Variants in SEMA4B observed in about 807,000 individuals in gnomAD.
SEMA4B encodes semaphorin-4B.
A neutral mutation model predicts 88.1 loss-of-function variants in SEMA4B; 55 were observed. The observed-to-expected ratio is 0.62, with a 90% CI of 0.50 to 0.78. SEMA4B has a LOEUF of 0.78. Among genes scored for constraint, SEMA4B ranks in the 30% least tolerant of loss-of-function variants. The pLI, the probability that SEMA4B is intolerant of heterozygous loss-of-function variation, is 0.00. For synonymous variants in SEMA4B, 525 were observed against 473.6 expected, an observed-to-expected ratio of 1.11 and a Z score of -1.41; for missense variants, 1,062 against 1,111.9, an observed-to-expected ratio of 0.96 and a Z score of 0.64.
At position 90,219,842 on chromosome 15, in the gene SEMA4B, A is replaced by T; in HGVS notation, c.434A>T (p.His145Leu). Residue 145 changes from histidine to leucine, a missense_variant, in exon 4 of 14, where the codon CAC becomes CTC. By Grantham distance (99) the His-to-Leu change is moderately conservative. Coordinates refer to ENST00000411539, the MANE Select transcript of SEMA4B (RefSeq NM_198925.4). The stretch of plus-strand genomic sequence containing the variant: ...ATCCTCCTGCCGCTCAGCGGCAGTC[A>T]CCTGTTCACCTGTGGCACAGCAGCC... ...IKILLPLSGS[H>L]LFTCGTAAFS... 6.2e-7 allele frequency: 1 copy of T among 1,613,600 alleles called. No individual in the cohort carries two copies. The highest frequency in any genetic ancestry group is 8.5e-7 in the Non-Finnish European group (1 of 1,179,820).
At chr15:90,192,915 C>T (rs1567042118) in intron 1 of SEMA4B, among the ~76,000 whole-genome samples, 2 of 152,120 alleles carry the variant, frequency 1.3e-5, no homozygotes, top group East Asian at 3.9e-4. Flanking sequence ...ATAATGGATT[C>T]CTATACACAT....
rs997159019 is a variant in SEMA4B, at chr15:90,228,834, C to T, written c.*191C>T. Reference sequence around the variant, plus strand: ...AGCTCCTACCACCCAGACACCCAAACAGCCGTGGCCCCAGAGGTCCTGGCC... The same window carrying T: ...AGCTCCTACCACCCAGACACCCAAATAGCCGTGGCCCCAGAGGTCCTGGCC... On this transcript the variant is annotated 3_prime_UTR_variant, in exon 14 of 14. Transcript: ENST00000411539. 1.4e-6 allele frequency: 1 copy of T among 737,176 alleles called. No homozygotes were observed. Among genetic ancestry groups the T allele is most frequent in the African/African-American group, 1.8e-5 (1 of 56,418 alleles). The allele number at this position is 737,176 out of a possible 1,614,324, so 45.7% of individuals were successfully genotyped here.
chr15:90,194,454 C>G (rs553905966), intron 1 of SEMA4B, among the ~76,000 whole-genome samples: 20 of 152,214 alleles, frequency 1.3e-4, no homozygotes, highest in Admixed American at 1.2e-3. Context: ...ATCGCTTGAA[C>G]CCACGAGGCA....
In SEMA4B at chr15:90,227,640, C is replaced by T; in HGVS notation, c.1772C>T (p.Thr591Ile). 1.2e-6 allele frequency: 2 copies of T among 1,613,924 alleles called. No homozygotes were observed. Among genetic ancestry groups the T allele is most frequent in the Non-Finnish European group, 1.7e-6 (2 of 1,179,806 alleles). Residue 591 changes from threonine (T) to isoleucine (I), a missense_variant and splice_region_variant, in exon 13 of 14, where the codon ACA becomes ATA. Coordinates refer to ENST00000411539, the MANE Select transcript of SEMA4B (RefSeq NM_198925.4). ...GTTGTGTCCCCGTCTTTTGTACCAA[C>T]AGGTGAGGTGCCCCCTCAAAAGGTG... ...SSVVSPSFVP[T>I]GEKPCEQVQF... is the part of the protein sequence containing the mutation.
intron 1 of SEMA4B, among the ~76,000 whole-genome samples, chr15:90,202,034 C>T (rs926855634): frequency 6.6e-6 from 1 of 152,262 alleles, no homozygotes; most frequent in Non-Finnish European, 1.5e-5. Flanking sequence ...GCCTGCCCAT[C>T]TACTTGTCTT....
intron 1 of SEMA4B, among the ~76,000 whole-genome samples, chr15:90,213,914 C>T (rs114428826): frequency 1.3e-3 from 193 of 152,340 alleles, no homozygotes; most frequent in African/African-American, 4.5e-3. Context: ...CTCATTGAGA[C>T]GATGTCTCTG....
intron 1 of SEMA4B, 25 bp downstream of exon 1, chr15:90,201,760 C>T: frequency 7.2e-7 from 1 of 1,381,048 alleles, no homozygotes; most frequent in Non-Finnish European, 9.3e-7. Context: ...CCCGGGGACG[C>T]GGGCCGGGGG....
chr15:90,187,131 G>A (rs6496641), intron 1 of SEMA4B, among the ~76,000 whole-genome samples: 53,272 of 151,810 alleles, frequency 0.35, 10,011 homozygotes, highest in East Asian at 0.7. Context: ...ATGGTCCAAA[G>A]TAAGTCCCTG....
In SEMA4B at chr15:90,215,071, C is replaced by G. The variant is rs186673349; in HGVS notation, c.158-2368C>G. The G allele has an allele frequency of 9.9e-4, 1,047 of 1,052,792 alleles. 5 individuals are homozygous for G. Among genetic ancestry groups the G allele is most frequent in the Non-Finnish European group, 1.2e-3 (1,020 of 819,162 alleles). The allele number at this position is 1,052,792 out of a possible 1,614,324, so 65.2% of individuals were successfully genotyped here. ...TGTGTGGTCATAACCCACTGGTCCG[C>G]TACAACGTGCCTGAGGGTGGTCAGG... On this transcript the variant is annotated intron_variant, in intron 1 of 13. Coordinates refer to ENST00000411539, the MANE Select transcript of SEMA4B (RefSeq NM_198925.4).
upstream of SEMA4B, among the ~76,000 whole-genome samples, chr15:90,196,689 A>G (rs572703336): frequency 4.3e-4 from 65 of 149,600 alleles, no homozygotes; most frequent in East Asian, 2.0e-3. Flanking sequence ...GGGTTTCACC[A>G]TGTTAGCCAG....
chr15:90,214,662 C>A, intron 1 of SEMA4B, among the ~76,000 whole-genome samples: 1 of 143,416 alleles, frequency 7.0e-6, no homozygotes, highest in African/African-American at 2.6e-5. Context: ...AAAGGCTGAG[C>A]TTCCCCCAAA....
At chr15:90,227,818 A>G in intron 13 of SEMA4B, 86 bp from the exon 14 acceptor site, 2 of 1,580,080 alleles carry the variant, frequency 1.3e-6, no homozygotes, top group Non-Finnish European at 1.7e-6. Context: ...TCGTGGCACC[A>G]GGGGCATAGC....
chr15:90,223,632 G>C lies in SEMA4B; in HGVS notation c.935G>C (p.Arg312Pro). 1 of 1,613,572 alleles carries C rather than the reference G, an allele frequency of 6.2e-7. No homozygotes were observed. Among genetic ancestry groups the C allele is most frequent in the Non-Finnish European group, 8.5e-7 (1 of 1,179,792 alleles). Residue 312 changes from arginine (R) to proline (P), a missense_variant, in exon 8 of 14, where the codon CGG (arginine) becomes CCG (proline). Coordinates refer to ENST00000411539, the MANE Select transcript of SEMA4B (RefSeq NM_198925.4). ...SFLKAQLLCS[R>P]PDDGFPFNVL... ...CTCAAGGCCCAGCTGCTGTGCTCAC[G>C]GCCCGACGATGGCTTCCCCTTCAAC...
chr15:90,186,232 C>A (rs1427811953), intron 1 of SEMA4B, among the ~76,000 whole-genome samples: 3 of 151,996 alleles, frequency 2.0e-5, no homozygotes, highest in Non-Finnish European at 4.4e-5. Context: ...CCACGCCTGG[C>A]CTTTTTGGAG....
intron 7 of SEMA4B, 150 bp from the exon 8 acceptor site, chr15:90,223,409 C>T (rs1022319090): frequency 4.9e-6 from 3 of 614,488 alleles, no homozygotes; most frequent in Non-Finnish European, 8.0e-6. Flanking sequence ...GTACACTGCT[C>T]TTCCTGACTT....
Position 90,196,029 on chromosome 15 carries a change from C to T in SEMA4B, c.-121-5429C>T, listed in dbSNP as rs549627530. Reference sequence around the variant, plus strand: ...CTGCCTCCTGGGTTCACGACATTCTCCTGCCTCAGCCTCCCAAGTAGCTGG... The same window carrying T: ...CTGCCTCCTGGGTTCACGACATTCTTCTGCCTCAGCCTCCCAAGTAGCTGG... On this transcript the variant is annotated intron_variant, in intron 1 of 14. Transcript: ENST00000332496. 2.7e-3 allele frequency among the ~76,000 whole-genome samples: 401 copies of T among 150,990 alleles called. 2 individuals are homozygous for T. The highest frequency in any genetic ancestry group is 8.6e-3 in the African/African-American group (354 of 40,928).
In SEMA4B at chr15:90,185,924, A is replaced by ATT. The variant is rs398028319; in HGVS notation, c.-122+869_-122+870dup. Among the ~76,000 whole-genome samples, 431 of 55,452 alleles carry ATT rather than the reference A, an allele frequency of 7.8e-3. 33 individuals are homozygous for ATT. The highest frequency in any genetic ancestry group is 0.021 in the East Asian group (39 of 1,824). The allele number at this position is 55,452 out of a possible 152,430, so 36.4% of individuals were successfully genotyped here. On this transcript the variant is annotated intron_variant, in intron 1 of 14. Coordinates refer to the SEMA4B transcript ENST00000332496. ...CAGGCCATGGCCGTTTCTTTTGGTG[A>ATT]TTTTTTTTTTTTTTTTTTTTTTTTT... is the stretch of plus-strand genomic sequence containing the variant.
upstream of SEMA4B, among the ~76,000 whole-genome samples, chr15:90,200,938 G>A (rs1415650459): frequency 6.6e-6 from 1 of 152,194 alleles, no homozygotes; most frequent in African/African-American, 2.4e-5. Context: ...GGAACAAGGG[G>A]GTCGCCAGGA....
chr15:90,215,886 A>C (rs549553276), intron 1 of SEMA4B, among the ~76,000 whole-genome samples: 2 of 152,346 alleles, frequency 1.3e-5, no homozygotes, highest in East Asian at 3.9e-4. Context: ...GGCTTATTAT[A>C]AAAAGCAAAA....
Sources: allele counts gnomAD v4.1 joint callset (sites outside exome capture counted in the v4.1 genomes callset), GRCh38; gene constraint gnomAD v4.1.1; transcripts MANE v1.5; gene names NCBI Gene and HGNC (gene_info 2026-07-23, HGNC 2026-07-21).